The following TGFA variants were observed in gnomAD, a reference collection of about 807,000 sequenced individuals.
TGFA encodes the protein protransforming growth factor alpha.
TGFA carries 12 observed loss-of-function variants against 21.7 expected under a neutral mutation model. That is an observed-to-expected ratio of 0.55 (90% CI 0.35 to 0.90). The LOEUF is 0.90. TGFA is among the 40% of genes least tolerant of loss of function. TGFA has a pLI of 0.01. For synonymous variants in TGFA, 79 were observed against 88.1 expected, an observed-to-expected ratio of 0.90 and a Z score of 0.58; for missense variants, 178 against 210.8, an observed-to-expected ratio of 0.84 and a Z score of 0.96.
At chr2:70,514,488 C>T (rs1311560929) in intron 2 of TGFA, among the ~76,000 whole-genome samples, 2 of 151,140 alleles carry the variant, frequency 1.3e-5, no homozygotes, top group African/African-American at 2.4e-5. Flanking sequence ...CAAAGGTCAC[C>T]GATGAGGGTT....
At chr2:70,530,104 A>C (rs1469434678) in intron 1 of TGFA, among the ~76,000 whole-genome samples, 4 of 152,266 alleles carry the variant, frequency 2.6e-5, no homozygotes, top group South Asian at 4.1e-4. Flanking sequence ...ACCTTTCCTG[A>C]CCACCTCAGA....
chr2:70,480,625 G>A (rs190809428), intron 2 of TGFA, among the ~76,000 whole-genome samples: 6 of 152,002 alleles, frequency 3.9e-5, no homozygotes, highest in South Asian at 4.2e-4. Flanking sequence ...ACAGTGCCTC[G>A]CCACCCCCAC....
intron 2 of TGFA, among the ~76,000 whole-genome samples, chr2:70,510,185 A>T (rs1209163988): frequency 6.6e-6 from 1 of 152,192 alleles, no homozygotes; most frequent in Admixed American, 6.5e-5. Flanking sequence ...TCTCACCTGC[A>T]TGGGAGGCTC....
intron 1 of TGFA, among the ~76,000 whole-genome samples, chr2:70,547,830 T>G (rs1244781226): frequency 6.8e-6 from 1 of 147,794 alleles, no homozygotes; most frequent in Non-Finnish European, 1.5e-5. Flanking sequence ...ATACTATCTA[T>G]AGATATATAT....
chr2:70,512,009 C>T (rs1307728488), intron 2 of TGFA, among the ~76,000 whole-genome samples: 1 of 151,844 alleles, frequency 6.6e-6, no homozygotes, highest in African/African-American at 2.4e-5. Flanking sequence ...AGGATTTCAG[C>T]CCTGTGCGGT....
chr2:70,524,503 G>C (rs977192966), intron 1 of TGFA, among the ~76,000 whole-genome samples: 10 of 152,212 alleles, frequency 6.6e-5, no homozygotes, highest in African/African-American at 2.4e-4. Context: ...GAGTATCGCC[G>C]AGCCCTCTCG....
At chr2:70,523,520 C>T (rs990633616) in intron 1 of TGFA, among the ~76,000 whole-genome samples, 2 of 152,150 alleles carry the variant, frequency 1.3e-5, no homozygotes, top group African/African-American at 2.4e-5. Flanking sequence ...TTCTCTTCTG[C>T]GTAGAAAAGC....
intron 2 of TGFA, among the ~76,000 whole-genome samples, chr2:70,511,065 G>A (rs1336469092): frequency 6.6e-6 from 1 of 152,162 alleles, no homozygotes. Context: ...ATTAGCACAT[G>A]GAGTTTGCAA....
intron 2 of TGFA, among the ~76,000 whole-genome samples, chr2:70,484,733 T>C (rs2103766750): frequency 6.6e-6 from 1 of 152,342 alleles, no homozygotes; most frequent in East Asian, 1.9e-4. Flanking sequence ...GAATCTGCCA[T>C]TCCTGATTCC....
chr2:70,450,726 G>C lies in TGFA; in HGVS notation c.*133C>G, dbSNP rs1670027773. ...ACAGAGTTTTGAAGGCCCACAAAAG[G>C]CTGCACAGGTGATTACAGGCCAAGT... On this transcript the variant is annotated 3_prime_UTR_variant, in exon 6 of 6. Transcript: ENST00000295400. The C allele has an allele frequency of 1.0e-6, 1 of 977,780 alleles. No homozygotes were observed. Among genetic ancestry groups the C allele is most frequent in the East Asian group, 2.6e-5 (1 of 37,836 alleles). 60.6% of individuals were successfully genotyped at this position (977,780 alleles called of 1,614,324 possible).
chr2:70,529,050 T>C (rs1346784677), intron 1 of TGFA, among the ~76,000 whole-genome samples: 1 of 152,358 alleles, frequency 6.6e-6, no homozygotes, highest in African/African-American at 2.4e-5. Context: ...TTTATCTTTG[T>C]TGCCAGCACT....
intron 1 of TGFA, among the ~76,000 whole-genome samples, chr2:70,530,021 C>T (rs1431771531): frequency 2.0e-5 from 3 of 152,196 alleles, no homozygotes; most frequent in African/African-American, 7.2e-5. Context: ...CTATACTATT[C>T]CCTGCCTTCT....
chr2:70,508,856 G>A (rs1329138481), intron 2 of TGFA, among the ~76,000 whole-genome samples: 1 of 152,210 alleles, frequency 6.6e-6, no homozygotes, highest in Non-Finnish European at 1.5e-5. Context: ...CTGTTAAGGT[G>A]TTGCAGCCAG....
At chr2:70,543,238 T>C (rs1278126503) in intron 1 of TGFA, among the ~76,000 whole-genome samples, 1 of 152,052 alleles carries the variant, frequency 6.6e-6, no homozygotes, top group African/African-American at 2.4e-5. Context: ...GTTAAAGTCA[T>C]ATTACTAGGC....
chr2:70,526,705 C>G (rs1672646876), intron 1 of TGFA, among the ~76,000 whole-genome samples: 1 of 152,170 alleles, frequency 6.6e-6, no homozygotes, highest in African/African-American at 2.4e-5. Context: ...CCCTACCAAC[C>G]CTGCTCTAGT....
intron 2 of TGFA, among the ~76,000 whole-genome samples, chr2:70,508,848 G>A (rs1275437815): frequency 6.6e-6 from 1 of 152,200 alleles, no homozygotes; most frequent in Non-Finnish European, 1.5e-5. Context: ...TAAGAGGTCT[G>A]TTAAGGTGTT....
In TGFA at chr2:70,521,613, G is replaced by GTTTTTTTTTTTTTTTT. The variant is rs59567780; in HGVS notation, c.41-6702_41-6701insAAAAAAAAAAAAAAAA. Among the ~76,000 whole-genome samples, 119 of 74,024 alleles carry GTTTTTTTTTTTTTTTT rather than the reference G, an allele frequency of 1.6e-3. 6 individuals carry two copies. Among genetic ancestry groups the GTTTTTTTTTTTTTTTT allele is most frequent in the South Asian group, 2.2e-3 (4 of 1,784 alleles). 48.6% of individuals were successfully genotyped at this position (74,024 alleles called of 152,430 possible). A position where few individuals can be genotyped will look rare whatever the true frequency, so the allele number is the denominator to read the frequency against. ...TTGATAGTTTTTTTTGTTGTTGTTT[G>GTTTTTTTTTTTTTTTT]TTTGTTTTTTTTTTTTTTTTTTTTT... On this transcript the variant is annotated intron_variant, in intron 1 of 5. Coordinates refer to ENST00000295400, the MANE Select transcript of TGFA (RefSeq NM_003236.4).
At chr2:70,521,609 G>GTTGTTTTTTTTTTTTTTT (rs1432347684) in intron 1 of TGFA, among the ~76,000 whole-genome samples, 3 of 78,876 alleles carry the variant, frequency 3.8e-5, no homozygotes, top group African/African-American at 5.0e-5. Context: ...TTTTGTTGTT[G>GTTGTTTTTTTTTTTTTTT]TTTGTTTGTT....
intron 1 of TGFA, among the ~76,000 whole-genome samples, chr2:70,543,732 G>C (rs1177337993): frequency 6.6e-6 from 1 of 152,136 alleles, no homozygotes; most frequent in South Asian, 2.1e-4. Flanking sequence ...GACCAGGCCA[G>C]AAGCTTCTTA....
Sources: gnomAD v4.1 joint callset for allele counts (sites outside exome capture counted in the v4.1 genomes callset) on GRCh38, gnomAD v4.1.1 for gene constraint, MANE v1.5 for transcripts, NCBI Gene and HGNC (gene_info 2026-07-23, HGNC 2026-07-21) for gene names.